USP34: variants seen among roughly 807,000 people sequenced by gnomAD.
The protein encoded by USP34 is ubiquitin specific peptidase 34.
In USP34, 70 loss-of-function variants were observed where a neutral mutation model predicts 460.3. The ratio of observed to expected loss-of-function variants is 0.15; its 90% CI spans 0.13 to 0.19. USP34 has a LOEUF of 0.19. Among genes scored for constraint, USP34 ranks in the 10% least tolerant of loss-of-function variants. USP34 has a pLI of 1.00. For synonymous variants in USP34, 1,647 were observed against 1,405.3 expected (o/e 1.17, Z -3.85); for missense variants, 3,985 against 4,236.2 (o/e 0.94, Z 1.65).
intron 19 of USP34, 108 bp from the exon 20 acceptor site, chr2:61,331,479 TTTTA>T (rs1691259897): frequency 1.4e-5 from 12 of 846,372 alleles, no homozygotes; most frequent in Non-Finnish European, 2.0e-5. Context: ...AAATGTAAAA[TTTTA>T]GTTACGAAAA....
At position 61,319,313 on chromosome 2, in the gene USP34, G is replaced by C; in HGVS notation, c.3028C>G (p.Gln1010Glu). The C allele has an allele frequency of 1.3e-6, 2 of 1,550,274 alleles. No homozygotes were observed. The highest frequency in any genetic ancestry group is 1.7e-6 in the Non-Finnish European group (2 of 1,158,348). ...SPDHFRLSLEQVDILWHCLVE... is the reference protein window; with the variant it reads ...SPDHFRLSLEEVDILWHCLVE... ...AAACAATGCCATAAGATGTCAACTT[G>C]CTCTAAACTTAACCCTAGATAAAAA... is the stretch of plus-strand genomic sequence containing the variant. Residue 1010 changes from glutamine (Q) to glutamate (E), a missense_variant, in exon 22 of 80, where the codon CAA (glutamine) becomes GAA (glutamate). Gln to Glu is a conservative substitution (Grantham distance 29, BLOSUM62 2). This residue lies in a region of USP34 where 1,114 missense variants were observed against 1,122.5 expected (regional missense o/e 0.99). Coordinates refer to ENST00000398571, the MANE Select transcript of USP34 (RefSeq NM_014709.4).
intron 1 of USP34, among the ~76,000 whole-genome samples, chr2:61,437,385 G>A (rs534633949): frequency 6.6e-6 from 1 of 152,288 alleles, no homozygotes; most frequent in East Asian, 1.9e-4. Context: ...GATCATTAGA[G>A]ACTGCTGACC....
At chr2:61,204,118 A>G in intron 74 of USP34, 138 bp downstream of exon 74, 2 of 1,209,600 alleles carry the variant, frequency 1.7e-6, no homozygotes, top group Non-Finnish European at 2.3e-6. Context: ...ACTAAAAGGA[A>G]AAAGTCCAAA....
intron 3 of USP34, among the ~76,000 whole-genome samples, chr2:61,402,645 T>C (rs1278157845): frequency 6.6e-6 from 1 of 152,158 alleles, no homozygotes; most frequent in Non-Finnish European, 1.5e-5. Context: ...TTGAATCTTG[T>C]CCTCCTAAGA....
intron 71 of USP34, 107 bp downstream of exon 71, chr2:61,206,653 G>T: frequency 1.5e-6 from 2 of 1,367,648 alleles, no homozygotes; most frequent in Non-Finnish European, 2.0e-6. Flanking sequence ...CTCATCTTCT[G>T]TGCATAAACT....
At chr2:61,395,853 G>T (rs111783165) in intron 3 of USP34, among the ~76,000 whole-genome samples, 2,168 of 150,414 alleles carry the variant, frequency 0.014, 67 homozygotes, top group African/African-American at 0.049. Context: ...ATCACCTGAG[G>T]TCAGGAGATC....
intron 2 of USP34, among the ~76,000 whole-genome samples, chr2:61,412,168 A>G: frequency 6.9e-6 from 1 of 144,976 alleles, no homozygotes. Context: ...CAGCCTGGGC[A>G]ACAAGAGCGA....
chr2:61,213,667 G>T (rs914702499), intron 68 of USP34, among the ~76,000 whole-genome samples: 97 of 152,328 alleles, frequency 6.4e-4, no homozygotes, highest in South Asian at 8.3e-4. Flanking sequence ...ATATAAAATT[G>T]TCTAGCTCAC....
intron 21 of USP34, among the ~76,000 whole-genome samples, chr2:61,324,387 A>G (rs1426407596): frequency 6.6e-6 from 1 of 152,202 alleles, no homozygotes; most frequent in Non-Finnish European, 1.5e-5. Context: ...CCATAAAGCC[A>G]AGTGATTTTC....
At chr2:61,428,723 T>A (rs1694580554) in intron 1 of USP34, among the ~76,000 whole-genome samples, 1 of 151,784 alleles carries the variant, frequency 6.6e-6, no homozygotes, top group African/African-American at 2.4e-5. Context: ...CTGCAACAAA[T>A]AAAAAGAAAG....
chr2:61,206,991 G>A (rs1687138643), intron 70 of USP34, 105 bp from the exon 71 acceptor site: 1 of 1,252,204 alleles, frequency 8.0e-7, no homozygotes, highest in Non-Finnish European at 1.1e-6. Flanking sequence ...GACTCAGACT[G>A]TGTGTGCACA....
chr2:61,390,340 A>T lies in USP34; in HGVS notation c.753+4513T>A, dbSNP rs1693305525. 2.6e-5 allele frequency among the ~76,000 whole-genome samples: 4 copies of T among 152,336 alleles called. No homozygotes were observed. The South Asian group carries it at 8.3e-4, about 32-fold the overall frequency. On this transcript the variant is annotated intron_variant, in intron 5 of 79. Transcript: ENST00000398571. ...AGCTAAAACCAAGTGTAACTCAACA[A>T]AAGTGAGATTAACTTCCATTTGGGT... is the stretch of plus-strand genomic sequence containing the variant.
In USP34 at chr2:61,190,240, G is replaced by C. The variant is rs780491114; in HGVS notation, c.9873+31C>G. The C allele has an allele frequency of 9.5e-6, 15 of 1,577,242 alleles. No homozygotes were observed. The East Asian group carries it at 3.1e-4, about 33-fold the overall frequency. On this transcript the variant is annotated intron_variant, in intron 78 of 79. Coordinates refer to ENST00000398571, the MANE Select transcript of USP34 (RefSeq NM_014709.4). ...CAGTTAACTGAAGGACAGTTTAAAA[G>C]TGTGTGCCGCCGCCTCTGCATAGTT... is the stretch of plus-strand genomic sequence containing the variant.
At chr2:61,203,054 AT>A in intron 75 of USP34, 85 bp downstream of exon 75, 3 of 1,307,792 alleles carry the variant, frequency 2.3e-6, no homozygotes, top group Non-Finnish European at 3.0e-6. Context: ...GAAAAAAAGG[AT>A]TGTCTCATAA....
chr2:61,404,278 CA>C (rs1051250432), intron 3 of USP34, among the ~76,000 whole-genome samples: 4 of 151,640 alleles, frequency 2.6e-5, no homozygotes, highest in East Asian at 1.9e-4. Flanking sequence ...AAAAAACAAA[CA>C]AAAAAAATGT....
At chr2:61,222,572 G>C in intron 65 of USP34, 47 bp downstream of exon 65, 1 of 1,496,246 alleles carries the variant, frequency 6.7e-7, no homozygotes, top group Non-Finnish European at 9.3e-7. Context: ...AGCATTAGCA[G>C]TGCTGAAAAT....
chr2:61,312,714 T>G (rs1027857457), intron 25 of USP34, among the ~76,000 whole-genome samples: 1 of 152,138 alleles, frequency 6.6e-6, no homozygotes, highest in Admixed American at 6.6e-5. Context: ...AATTAATAAT[T>G]TGTTGTTATC....
intron 20 of USP34, among the ~76,000 whole-genome samples, chr2:61,328,012 A>C (rs913923550): frequency 4.6e-5 from 7 of 152,224 alleles, no homozygotes; most frequent in African/African-American, 1.7e-4. Context: ...TTTTAAGAAC[A>C]TACTACAGGT....
chr2:61,424,786 A>T (rs1573028265), intron 1 of USP34, among the ~76,000 whole-genome samples: 2 of 152,126 alleles, frequency 1.3e-5, no homozygotes, highest in African/African-American at 4.8e-5. Flanking sequence ...TTTTGCAATT[A>T]TTTTTTAAAG....
Sources: gnomAD v4.1 joint callset for allele counts (sites outside exome capture counted in the v4.1 genomes callset) on GRCh38, gnomAD v4.1.1 for gene constraint, gnomAD v4.1.1 regional missense constraint, MANE v1.5 for transcripts, NCBI Gene and HGNC (gene_info 2026-07-23, HGNC 2026-07-21) for gene names.